ADD1: variants seen among roughly 807,000 people sequenced by gnomAD.
ADD1 encodes adducin 1.
Under a neutral mutation model 80.5 loss-of-function variants are expected in ADD1, and 24 were observed. The observed-to-expected ratio is 0.30, with a 90% confidence interval of 0.22 to 0.42. The LOEUF (loss-of-function observed/expected upper bound fraction) is 0.42. Ranked by LOEUF, ADD1 falls within the 10% of genes least tolerant of loss-of-function variation. The probability of loss-of-function intolerance (pLI) is 1.00; values close to 1 mark genes in which losing one functional copy is unlikely to be tolerated. For synonymous variants in ADD1, 373 were observed against 393.8 expected, an observed-to-expected ratio of 0.95 and a Z score of 0.63; for missense variants, 948 against 1,019.0, an observed-to-expected ratio of 0.93 and a Z score of 0.95.
intron 13 of ADD1, among the ~76,000 whole-genome samples, chr4:2,912,438 G>A (rs143437433): frequency 6.6e-6 from 1 of 152,372 alleles, no homozygotes; most frequent in African/African-American, 2.4e-5. Context: ...GGCTTCAGCT[G>A]TCTCAGTATG....
intron 2 of ADD1, among the ~76,000 whole-genome samples, chr4:2,879,529 T>G (rs624833): frequency 0.31 from 47,515 of 152,082 alleles, 7,909 homozygotes; most frequent in African/African-American, 0.39. Flanking sequence ...GACTGAGGGC[T>G]CCTGAAGGCA....
At chr4:2,871,250 C>T (rs1192150923) in intron 1 of ADD1, among the ~76,000 whole-genome samples, 3 of 152,160 alleles carry the variant, frequency 2.0e-5, no homozygotes, top group Middle Eastern at 3.4e-3. Context: ...TGATTACAGG[C>T]GTGAGCCACC....
chr4:2,870,357 G>T (rs1730238258), intron 1 of ADD1, among the ~76,000 whole-genome samples: 1 of 152,208 alleles, frequency 6.6e-6, no homozygotes, highest in Non-Finnish European at 1.5e-5. Context: ...AGGTAGAGTG[G>T]TGTTTTCTGG....
At position 2,926,061 on chromosome 4, in the gene ADD1, C is replaced by G. The variant is rs201305164; in HGVS notation, c.1996C>G (p.Gln666Glu). The G allele has an allele frequency of 2.2e-4, 351 of 1,614,040 alleles. No individual in the cohort carries two copies. The highest frequency in any genetic ancestry group is 2.8e-4 in the Non-Finnish European group (334 of 1,180,024). Residue 666 changes from glutamine (Q) to glutamate (E), a missense_variant, in exon 15 of 16, where the codon CAG becomes GAG. Transcript: ENST00000683351. This position sits in a 1 kb window ranked among gnomAD's most constrained non-coding sequence, Gnocchi z 5.0. The part of the protein sequence containing the change: ...REQKEKSPPD[Q>E]PAVPHPPPST... ...ACAGAAAGAAAAGAGTCCTCCAGAC[C>G]AGCCTGCGGTCCCCCACCCGCCTCC... is the stretch of plus-strand genomic sequence containing the variant.
intron 3 of ADD1, 35 bp from the exon 4 acceptor site, chr4:2,884,478 ACT>A (rs1732916984): frequency 6.4e-7 from 1 of 1,563,662 alleles, no homozygotes. Context: ...GGCGTATACC[ACT>A]GCACCTGGCT....
intron 1 of ADD1, among the ~76,000 whole-genome samples, chr4:2,848,132 T>C (rs528497619): frequency 6.6e-6 from 1 of 152,086 alleles, no homozygotes; most frequent in African/African-American, 2.4e-5. Context: ...GGAGAATCAC[T>C]TGAACCCAGG....
chr4:2,881,035 C>A, intron 2 of ADD1, among the ~76,000 whole-genome samples: 1 of 146,808 alleles, frequency 6.8e-6, no homozygotes. Context: ...ATAATCCTAT[C>A]ACTAAAAGGA....
intron 1 of ADD1, among the ~76,000 whole-genome samples, chr4:2,856,315 G>A (rs1019512114): frequency 2.0e-5 from 3 of 152,098 alleles, no homozygotes; most frequent in Non-Finnish European, 4.4e-5. Context: ...TGGCAAGTTT[G>A]GCAGTAGTCG....
At chr4:2,920,185 T>C (rs577233647) in intron 14 of ADD1, among the ~76,000 whole-genome samples, 1 of 152,368 alleles carries the variant, frequency 6.6e-6, no homozygotes, top group South Asian at 2.1e-4. Flanking sequence ...CTAATTTAAT[T>C]GCACTGTGGT....
chr4:2,852,230 C>CCTTTCTTTCTTT (rs750995674), intron 1 of ADD1, among the ~76,000 whole-genome samples: 1 of 120,262 alleles, frequency 8.3e-6, no homozygotes, highest in African/African-American at 3.0e-5. Flanking sequence ...TCCTTTCTTT[C>CCTTTCTTTCTTT]CTTTCTTTCT....
intron 6 of ADD1, among the ~76,000 whole-genome samples, chr4:2,897,406 G>GTA (rs953661461): frequency 6.7e-6 from 1 of 148,234 alleles, no homozygotes. Flanking sequence ...TATATAAATT[G>GTA]TATATATATA....
At chr4:2,923,180 G>C (rs182643935) in intron 14 of ADD1, among the ~76,000 whole-genome samples, 7 of 152,320 alleles carry the variant, frequency 4.6e-5, no homozygotes, top group Admixed American at 3.9e-4. Flanking sequence ...GGCGCCACTG[G>C]GGTATCAGAA....
rs1378048239 is a variant in ADD1, at chr4:2,929,402, A to G, written c.*879A>G. 6.6e-6 allele frequency: 1 copy of G among 152,336 alleles called. No individual in the cohort carries two copies. Among genetic ancestry groups the G allele is most frequent in the Non-Finnish European group, 1.5e-5 (1 of 68,096 alleles). 9.4% of individuals were successfully genotyped at this position (152,336 alleles called of 1,614,324 possible). ...GGACTGTTCTCACCTTAACTCAGCC[A>G]GAAAGATGCCCTAGTTGTGATCAAA... On this transcript the variant is annotated 3_prime_UTR_variant, in exon 16 of 16. Transcript: ENST00000683351.
At chr4:2,854,613 T>G (rs1302525176) in intron 1 of ADD1, among the ~76,000 whole-genome samples, 5 of 152,244 alleles carry the variant, frequency 3.3e-5, no homozygotes. Context: ...TGAGCTGTAC[T>G]TAGGTTTATG....
chr4:2,854,204 A>G (rs1727733925), intron 1 of ADD1, among the ~76,000 whole-genome samples: 1 of 152,106 alleles, frequency 6.6e-6, no homozygotes, highest in South Asian at 2.1e-4. Context: ...CACGCCTGTA[A>G]TACCAGCTAC....
chr4:2,907,689 A>T, intron 10 of ADD1, 54 bp from the exon 11 acceptor site: 1 of 1,400,612 alleles, frequency 7.1e-7, no homozygotes, highest in Non-Finnish European at 1.0e-6. Flanking sequence ...ATTGGATGCT[A>T]TGTCACTTAT....
chr4:2,912,963 G>A (rs977455199), intron 13 of ADD1, among the ~76,000 whole-genome samples: 2 of 152,136 alleles, frequency 1.3e-5, no homozygotes, highest in African/African-American at 4.8e-5. Flanking sequence ...CTTTGCCTCA[G>A]CTTCCCGAGT....
intron 6 of ADD1, among the ~76,000 whole-genome samples, chr4:2,895,636 T>TA (rs1735066596): frequency 6.6e-6 from 1 of 152,080 alleles, no homozygotes; most frequent in African/African-American, 2.4e-5. Flanking sequence ...TGCAGGCTGT[T>TA]ACGAGGCTTA....
At chr4:2,884,124 T>A (rs1163746862) in intron 3 of ADD1, among the ~76,000 whole-genome samples, 1 of 152,254 alleles carries the variant, frequency 6.6e-6, no homozygotes, top group Non-Finnish European at 1.5e-5. Context: ...AATGTATACG[T>A]TTAATGCTGT....
Sources: gnomAD v4.1 joint callset for allele counts (sites outside exome capture counted in the v4.1 genomes callset) on GRCh38, gnomAD v4.1.1 for gene constraint, Gnocchi (gnomAD v3.1) non-coding constraint, MANE v1.5 for transcripts, NCBI Gene and HGNC (gene_info 2026-07-23, HGNC 2026-07-21) for gene names.